The following SLX4 variants were observed in gnomAD, a reference collection of about 807,000 sequenced individuals.
SLX4 encodes SLX4 structure-specific endonuclease subunit, also known as structure-specific endonuclease subunit SLX4.
In SLX4, 112 loss-of-function variants were observed where a neutral mutation model predicts 146.2. That is an observed-to-expected ratio of 0.77 (90% CI 0.66 to 0.90). The LOEUF (loss-of-function observed/expected upper bound fraction) is 0.90, where lower values mean the gene tolerates loss of function less well. SLX4 is among the 40% of genes least tolerant of loss of function. The probability of loss-of-function intolerance (pLI) is 0.00; values close to 1 mark genes in which losing one functional copy is unlikely to be tolerated. For synonymous variants in SLX4, 1,061 were observed against 997.7 expected (o/e 1.06, Z -1.20); for missense variants, 2,563 against 2,392.7 (o/e 1.07, Z -1.49).
chr16:3,589,460 A>T lies in SLX4; in HGVS notation c.4178T>A (p.Val1393Glu). ...CTCATCGTCACTGTCTCCGACTTCC[A>T]CCACTTCACCCGCTGGGGTCTGGTT... ...FLNQTPAGEV[V>E]EVGDSDDEQE... The change falls in exon 12 of 15, where the codon GTG becomes GAG. Residue 1393 changes from valine to glutamate, a missense_variant. By Grantham distance (121) the Val-to-Glu change is moderately radical (BLOSUM62 -2). Transcript: ENST00000294008. This position sits in a 1 kb window ranked among gnomAD's most constrained non-coding sequence, Gnocchi z 6.2. 4 of 1,607,396 alleles carry T rather than the reference A, an allele frequency of 2.5e-6. No homozygotes were observed. In the South Asian group the frequency reaches 4.4e-5, roughly 18 times the overall value.
chr16:3,591,394 G>A, intron 11 of SLX4, 84 bp from the exon 12 acceptor site: 1 of 1,571,590 alleles, frequency 6.4e-7, no homozygotes, highest in African/African-American at 1.3e-5. Context: ...GACCAGAGCA[G>A]AGTCTTCACC....
intron 4 of SLX4, 121 bp from the exon 5 acceptor site, chr16:3,601,312 C>G: frequency 1.0e-6 from 1 of 963,494 alleles, no homozygotes; most frequent in Non-Finnish European, 1.6e-6. Context: ...AGCCAATCCC[C>G]TCTACACAGC....
Position 3,581,354 on chromosome 16 carries a change from A to C in SLX4, c.*988T>G, listed in dbSNP as rs1453838928. 4 of 152,694 alleles carry C rather than the reference A, an allele frequency of 2.6e-5. No individual in the cohort carries two copies. Among genetic ancestry groups the C allele is most frequent in the Non-Finnish European group, 4.4e-5 (3 of 68,056 alleles). The allele number at this position is 152,694 out of a possible 1,614,324, so 9.5% of individuals were successfully genotyped here. On this transcript the variant is annotated 3_prime_UTR_variant, in exon 15 of 15. Coordinates refer to ENST00000294008, the MANE Select transcript of SLX4 (RefSeq NM_032444.4). The stretch of plus-strand genomic sequence containing the variant: ...AGGCAGCTTTAACCCAAAGAATGGA[A>C]TCCGCTAGTGAACATGTTTGTTTTG...
rs1311154106 is a variant in SLX4 at position 3,590,058 on chromosome 16, T to C, written c.3580A>G (p.Ile1194Val). 2 of 1,614,192 alleles carry C rather than the reference T, an allele frequency of 1.2e-6. No individual in the cohort carries two copies. Among genetic ancestry groups the C allele is most frequent in the South Asian group, 1.1e-5 (1 of 91,080 alleles). ...ISPRSCELFS[I>V]IDVDADQEPS... ...TCCTGATCTGCATCAACATCAATGATGGAAAACAGCTCACAGGACCTAGGG... is the reference window on the plus strand; with the variant it reads ...TCCTGATCTGCATCAACATCAATGACGGAAAACAGCTCACAGGACCTAGGG... Residue 1194 changes from isoleucine to valine, a missense_variant, in exon 12 of 15, where the codon ATC becomes GTC. Physicochemically the swap from Ile to Val is conservative, Grantham distance 29. Transcript: ENST00000294008. The surrounding 1 kb of genome is among the most constrained non-coding windows in gnomAD (Gnocchi z 4.8).
Position 3,589,696 on chromosome 16 carries a change from C to G in SLX4, c.3942G>C (p.Gln1314His), listed in dbSNP as rs2151122450. The stretch of plus-strand genomic sequence containing the variant: ...AGGACGGTGTCTGGGGCGGTGGTGT[C>G]TGGGGCCTGATGACAGAAAACTTCT... ...VAQKFSVIRP[Q>H]TPPPQTPSSC... is the part of the protein sequence containing the mutation. Residue 1314 changes from glutamine (Q) to histidine (H), a missense_variant, in exon 12 of 15, where the codon CAG (glutamine) becomes CAC (histidine). By Grantham distance (24) the Gln-to-His change is conservative (BLOSUM62 0). Coordinates refer to ENST00000294008, the MANE Select transcript of SLX4 (RefSeq NM_032444.4). The surrounding 1 kb of genome is among the most constrained non-coding windows in gnomAD (Gnocchi z 6.2). 1 of 1,613,976 alleles carries G rather than the reference C, an allele frequency of 6.2e-7. No homozygotes were observed. Among genetic ancestry groups the G allele is most frequent in the South Asian group, 1.1e-5 (1 of 91,074 alleles).
chr16:3,589,210 G>C lies in SLX4; in HGVS notation c.4428C>G (p.Thr1476=). The C allele has an allele frequency of 6.2e-7, 1 of 1,613,878 alleles. No homozygotes were observed. Among genetic ancestry groups the C allele is most frequent in the South Asian group, 1.1e-5 (1 of 91,088 alleles). Residue 1476 remains threonine, a synonymous_variant, in exon 12 of 15, where the codon ACC becomes ACG. Coordinates refer to ENST00000294008, the MANE Select transcript of SLX4 (RefSeq NM_032444.4). The surrounding 1 kb of genome is among the most constrained non-coding windows in gnomAD (Gnocchi z 6.2). ...DCRSPGLLDT[T]PIRGSCTTQR... is the part of the protein sequence containing the mutation. The stretch of plus-strand genomic sequence containing the variant: ...GGGTAGTGCAGCTTCCTCGGATGGG[G>C]GTGGTGTCCAGGAGTCCCGGGGAGC...
intron 12 of SLX4, among the ~76,000 whole-genome samples, chr16:3,586,846 T>G (rs1438935216): frequency 6.6e-6 from 1 of 150,390 alleles, no homozygotes; most frequent in African/African-American, 2.4e-5. Context: ...TAAAAAGGAA[T>G]AAAATACTGA....
At chr16:3,593,335 A>T (rs1179333348) in intron 10 of SLX4, among the ~76,000 whole-genome samples, 1 of 152,174 alleles carries the variant, frequency 6.6e-6, no homozygotes, top group East Asian at 1.9e-4. Context: ...CGGCCTCCCA[A>T]AGTGCTGGGA....
At position 3,602,207 on chromosome 16, in the gene SLX4, GCT is replaced by G. The variant is rs1567176006; in HGVS notation, c.859_860del (p.Ser287ProfsTer34). The G allele has an allele frequency of 6.2e-7, 1 of 1,614,156 alleles. No homozygotes were observed. The highest frequency in any genetic ancestry group is 8.5e-7 in the Non-Finnish European group (1 of 1,180,026). ...ARVGASAHDD[S>X]LEEKGLFFCQ... Reference sequence around the variant, plus strand: ...AGAAGAACAAACCCTTTTCCTCCAGGCTATCATCATGTGCCGATGCTCCTACC... The same window carrying G: ...AGAAGAACAAACCCTTTTCCTCCAGGATCATCATGTGCCGATGCTCCTACC... On this transcript the variant is annotated frameshift_variant, in exon 4 of 15. Transcript: ENST00000294008. LOFTEE classifies it high-confidence loss of function.
chr16:3,605,916 CA>C (rs1177655112), intron 3 of SLX4, among the ~76,000 whole-genome samples: 1 of 126,602 alleles, frequency 7.9e-6, no homozygotes, highest in East Asian at 2.4e-4. Context: ...CACTGCACTC[CA>C]GCCTGGGTGA....
At position 3,590,733 on chromosome 16, in the gene SLX4, T is replaced by A; in HGVS notation, c.2905A>T (p.Arg969Ter). ...GAGTGCGGAAGAGAGCCTTCTTTTCTCTCTGCCTGGCAGTCCCTGGAAGGG... is the reference window on the plus strand; with the variant it reads ...GAGTGCGGAAGAGAGCCTTCTTTTCACTCTGCCTGGCAGTCCCTGGAAGGG... ...SSPSRDCQAE[R>*]KEGSLPHSDD... Residue 969 changes from arginine (R) to a stop codon, truncating the protein, a stop_gained, in exon 12 of 15, where the codon AGA (arginine) becomes TGA (stop). Transcript: ENST00000294008. LOFTEE classifies it high-confidence loss of function. The surrounding 1 kb of genome is among the most constrained non-coding windows in gnomAD (Gnocchi z 4.8). 1 of 1,614,130 alleles carries A rather than the reference T, an allele frequency of 6.2e-7. No individual in the cohort carries two copies. The highest frequency in any genetic ancestry group is 8.5e-7 in the Non-Finnish European group (1 of 1,180,036).
In SLX4 at chr16:3,582,377, G is replaced by A. The variant is rs1037474114; in HGVS notation, c.5470C>T (p.Gln1824Ter). ...TCCACCTTCTTCTTGCCCCGAGGCT[G>A]CCGCCTCCTGCCCTGGAGCTTCTCC... The part of the protein sequence containing the change: ...RREKLQGRRR[Q>*]PRGKKKVERN The change falls in exon 15 of 15, where the codon CAG becomes TAG. Residue 1824 changes from glutamine (Q) to a stop codon, truncating the protein, a stop_gained. Coordinates refer to ENST00000294008, the MANE Select transcript of SLX4 (RefSeq NM_032444.4). LOFTEE classifies it low-confidence loss of function (END_TRUNC). 28 of 1,613,490 alleles carry A rather than the reference G, an allele frequency of 1.7e-5. No individual in the cohort carries two copies. Among genetic ancestry groups the A allele is most frequent in the Non-Finnish European group, 2.4e-5 (28 of 1,180,040 alleles).
chr16:3,582,658 G>A lies in SLX4; in HGVS notation c.5189C>T (p.Ser1730Phe), dbSNP rs376960842. Residue 1730 changes from serine (S) to phenylalanine (F), a missense_variant, in exon 15 of 15, where the codon TCT (serine) becomes TTT (phenylalanine). Coordinates refer to ENST00000294008, the MANE Select transcript of SLX4 (RefSeq NM_032444.4). Reference sequence around the variant, plus strand: ...CCCCTCGCCCTCCTCTTCACCTGCAGACTCAAATGCCGCTCCAAACTCACA... The same window carrying A: ...CCCCTCGCCCTCCTCTTCACCTGCAAACTCAAATGCCGCTCCAAACTCACA... ...SSCEFGAAFE[S>F]AGEEEGEGEV... is the part of the protein sequence containing the mutation. 2 of 1,613,168 alleles carry A rather than the reference G, an allele frequency of 1.2e-6. No individual in the cohort carries two copies. Among genetic ancestry groups the A allele is most frequent in the Non-Finnish European group, 1.7e-6 (2 of 1,180,038 alleles).
At chr16:3,602,629 C>A (rs2040740524) in intron 3 of SLX4, among the ~76,000 whole-genome samples, 1 of 152,250 alleles carries the variant, frequency 6.6e-6, no homozygotes. Context: ...CTTGGCGATG[C>A]TGGCAGCACA....
chr16:3,602,407 G>A, intron 3 of SLX4, 100 bp from the exon 4 acceptor site: 1 of 1,421,116 alleles, frequency 7.0e-7, no homozygotes, highest in Non-Finnish European at 9.8e-7. Context: ...GGGAGCAGGT[G>A]GAACGCAAAG....
chr16:3,602,184 A>C lies in SLX4; in HGVS notation c.884T>G (p.Phe295Cys), dbSNP rs892291365. The change falls in exon 4 of 15, where the codon TTC becomes TGC. Residue 295 changes from phenylalanine (F) to cysteine (C), a missense_variant. Transcript: ENST00000294008. ...DDSLEEKGLF[F>C]CQICQKNLSA... ...GAGGTTCTTTTGACAAATCTGGCAGAAGAACAAACCCTTTTCCTCCAGGCT... is the reference window on the plus strand; with the variant it reads ...GAGGTTCTTTTGACAAATCTGGCAGCAGAACAAACCCTTTTCCTCCAGGCT... The C allele has an allele frequency of 6.2e-7, 1 of 1,614,186 alleles. No homozygotes were observed.
chr16:3,598,713 G>A (rs899723842), intron 5 of SLX4, among the ~76,000 whole-genome samples: 15 of 152,202 alleles, frequency 9.9e-5, no homozygotes, highest in African/African-American at 3.6e-4. Context: ...TCTGGCTTTT[G>A]CAAAAGCTCA....
At chr16:3,595,185 T>C (rs2040636891) in intron 9 of SLX4, among the ~76,000 whole-genome samples, 1 of 152,214 alleles carries the variant, frequency 6.6e-6, no homozygotes, top group South Asian at 2.1e-4. Flanking sequence ...AGCTGTGCTC[T>C]GGAGCCCAGG....
intron 10 of SLX4, among the ~76,000 whole-genome samples, chr16:3,593,066 A>C (rs1445950956): frequency 6.6e-6 from 1 of 151,992 alleles, no homozygotes; most frequent in Non-Finnish European, 1.5e-5. Flanking sequence ...CTAATTTTAA[A>C]TTTTAATTAA....
Sources: gnomAD v4.1 joint callset for allele counts (sites outside exome capture counted in the v4.1 genomes callset) on GRCh38, gnomAD v4.1.1 for gene constraint, Gnocchi (gnomAD v3.1) non-coding constraint, MANE v1.5 for transcripts, NCBI Gene and HGNC (gene_info 2026-07-23, HGNC 2026-07-21) for gene names.